AGMO: variants seen among roughly 807,000 people sequenced by gnomAD.
AGMO encodes the protein alkylglycerol monooxygenase, also known as glyceryl-ether monooxygenase.
A neutral mutation model predicts 60.2 loss-of-function variants in AGMO; 75 were observed. The ratio of observed to expected loss-of-function variants is 1.25; its 90% CI spans 1.03 to 1.51. AGMO has a LOEUF of 1.51. Ranked by LOEUF, AGMO falls within the 40% of genes most tolerant of loss-of-function variation. The probability of loss-of-function intolerance (pLI) is 0.00; values close to 1 mark genes in which losing one functional copy is unlikely to be tolerated. For missense variants in AGMO, 763 were observed against 525.5 expected, an observed-to-expected ratio of 1.45 and a Z score of -4.42; for synonymous variants, 261 against 177.1, an observed-to-expected ratio of 1.47 and a Z score of -3.76.
At chr7:15,208,175 G>A (rs558247277) in intron 12 of AGMO, among the ~76,000 whole-genome samples, 1 of 152,110 alleles carries the variant, frequency 6.6e-6, no homozygotes, top group Non-Finnish European at 1.5e-5. Flanking sequence ...AGTTCTTAAT[G>A]CTACAGAAGA....
intron 6 of AGMO, among the ~76,000 whole-genome samples, chr7:15,392,826 AC>A (rs373929114): frequency 0.13 from 16,515 of 131,706 alleles, 1,014 homozygotes; most frequent in South Asian, 0.2. Context: ...AAACAAACAA[AC>A]AAACAACTTT....
chr7:15,242,944 G>A (rs1173062441), intron 12 of AGMO, among the ~76,000 whole-genome samples: 1 of 151,866 alleles, frequency 6.6e-6, no homozygotes, highest in Non-Finnish European at 1.5e-5. Context: ...CTAAGATGTG[G>A]GACAGATTTT....
At chr7:15,359,460 T>C (rs929861813) in intron 12 of AGMO, among the ~76,000 whole-genome samples, 3 of 152,184 alleles carry the variant, frequency 2.0e-5, no homozygotes, top group Admixed American at 1.3e-4. Context: ...TTACATTTTT[T>C]AAAATGAAAT....
rs1784340359 is a variant in AGMO, at chr7:15,531,371, CTATATATATTCTATATATATTCTA to C, written c.409+13377_409+13400del. Among the ~76,000 whole-genome samples, 40 of 78,474 alleles carry C rather than the reference CTATATATATTCTATATATATTCTA, an allele frequency of 5.1e-4. 1 individual carries two copies. The highest frequency in any genetic ancestry group is 7.3e-4 in the South Asian group (2 of 2,742). The allele number at this position is 78,474 out of a possible 152,430, so 51.5% of individuals were successfully genotyped here. A position where few individuals can be genotyped will look rare whatever the true frequency, so the allele number is the denominator to read the frequency against. On this transcript the variant is annotated intron_variant, in intron 3 of 12. Coordinates refer to ENST00000342526, the MANE Select transcript of AGMO (RefSeq NM_001004320.2). The stretch of plus-strand genomic sequence containing the variant: ...TCTATATATATTCTATATATATATT[CTATATATATTCTATATATATTCTA>C]TATATATATTCTATATATATTCTAT...
intron 12 of AGMO, among the ~76,000 whole-genome samples, chr7:15,226,768 G>A (rs1398038258): frequency 3.3e-5 from 5 of 152,086 alleles, no homozygotes; most frequent in African/African-American, 1.2e-4. Flanking sequence ...CTATTTCATG[G>A]GGACAACACT....
intron 12 of AGMO, among the ~76,000 whole-genome samples, chr7:15,315,328 C>CTTT (rs1178276622): frequency 0.024 from 1,138 of 48,148 alleles, 377 homozygotes; most frequent in African/African-American, 0.072. Flanking sequence ...TGGATATTTG[C>CTTT]TTTTTTTTTT....
chr7:15,324,596 T>A (rs1278437377), intron 12 of AGMO, among the ~76,000 whole-genome samples: 1 of 152,242 alleles, frequency 6.6e-6, no homozygotes. Context: ...AGGTCTGTCC[T>A]CTAATGTAGT....
intron 10 of AGMO, among the ~76,000 whole-genome samples, chr7:15,381,598 T>C (rs369609095): frequency 6.6e-6 from 1 of 152,136 alleles, no homozygotes; most frequent in South Asian, 2.1e-4. Context: ...AGTTCAATCG[T>C]TGTGGAAGAC....
intron 12 of AGMO, among the ~76,000 whole-genome samples, chr7:15,273,986 T>C (rs1037897267): frequency 1.3e-5 from 2 of 152,290 alleles, no homozygotes; most frequent in East Asian, 3.9e-4. Flanking sequence ...TCCTGAGACT[T>C]TGCTGAAGTT....
At chr7:15,547,759 GGGCTTGATTAGGTAAACAA>G (rs1203933038) in intron 2 of AGMO, among the ~76,000 whole-genome samples, 3 of 150,496 alleles carry the variant, frequency 2.0e-5, no homozygotes, top group Non-Finnish European at 2.9e-5. Flanking sequence ...GCCATTGCCC[GGGCTTGATTAGGTAAACAA>G]AGCAGCCGGG....
chr7:15,348,312 C>T (rs1013108799), intron 12 of AGMO, among the ~76,000 whole-genome samples: 1 of 151,970 alleles, frequency 6.6e-6, no homozygotes, highest in Non-Finnish European at 1.5e-5. Context: ...TAAAGTCAAA[C>T]ACATACTACT....
At position 15,394,123 on chromosome 7, in the gene AGMO, C is replaced by A. The variant is rs750140675; in HGVS notation, c.666G>T (p.Arg222Ser). Residue 222 changes from arginine to serine, a missense_variant, in exon 6 of 13, where the codon AGG (arginine) becomes AGT (serine). Physicochemically the swap from Arg to Ser is moderately radical, Grantham distance 110 (BLOSUM62 -1). Coordinates refer to ENST00000342526, the MANE Select transcript of AGMO (RefSeq NM_001004320.2). ...ELILNTPSHH[R>S]VHHGRNRYCI... ...ACAAAACTTCCTTACCATGATGAAC[C>A]CTATGATGGCTAGGAGTATTAAGAA... 1 of 1,610,410 alleles carries A rather than the reference C, an allele frequency of 6.2e-7. No homozygotes were observed. Among genetic ancestry groups the A allele is most frequent in the East Asian group, 2.2e-5 (1 of 44,788 alleles).
At chr7:15,356,738 T>TG (rs1429042759) in intron 12 of AGMO, among the ~76,000 whole-genome samples, 1 of 151,854 alleles carries the variant, frequency 6.6e-6, no homozygotes, top group East Asian at 1.9e-4. Flanking sequence ...AAATGCTATA[T>TG]GAAAAAATGT....
intron 5 of AGMO, among the ~76,000 whole-genome samples, chr7:15,398,892 G>A (rs1030128016): frequency 2.0e-5 from 3 of 152,062 alleles, no homozygotes; most frequent in Admixed American, 6.6e-5. Context: ...AAGCCTTTCC[G>A]ATTTCAGCTC....
intron 3 of AGMO, among the ~76,000 whole-genome samples, chr7:15,436,232 A>G (rs1477475632): frequency 1.3e-5 from 2 of 152,218 alleles, no homozygotes; most frequent in Non-Finnish European, 2.9e-5. Context: ...CTGCTGTAAC[A>G]GAATACCTGA....
chr7:15,559,406 G>T (rs1475582114), intron 2 of AGMO, among the ~76,000 whole-genome samples: 2 of 151,984 alleles, frequency 1.3e-5, no homozygotes, highest in East Asian at 3.9e-4. Flanking sequence ...CCTAACATAA[G>T]GTTGGAAAAC....
Position 15,336,221 on chromosome 7 carries a change from G to C in AGMO, c.1263+29293C>G, listed in dbSNP as rs527763454. Among the ~76,000 whole-genome samples, 8 of 151,796 alleles carry C rather than the reference G, an allele frequency of 5.3e-5. No homozygotes were observed. The East Asian group carries it at 1.5e-3, about 29-fold the overall frequency. Reference sequence around the variant, plus strand: ...TCAATTTATAGCACAAATTATGATGGCAAAAGAAATTCATAACATTCACCA... The same window carrying C: ...TCAATTTATAGCACAAATTATGATGCCAAAAGAAATTCATAACATTCACCA... On this transcript the variant is annotated intron_variant, in intron 12 of 12. Coordinates refer to ENST00000342526, the MANE Select transcript of AGMO (RefSeq NM_001004320.2).
At chr7:15,226,852 G>C (rs1428198363) in intron 12 of AGMO, among the ~76,000 whole-genome samples, 2 of 151,986 alleles carry the variant, frequency 1.3e-5, no homozygotes, top group African/African-American at 4.8e-5. Flanking sequence ...ATGAAAAATA[G>C]TCTGGCAGAA....
chr7:15,515,533 C>A (rs1783784951), intron 3 of AGMO, among the ~76,000 whole-genome samples: 1 of 152,158 alleles, frequency 6.6e-6, no homozygotes, highest in Non-Finnish European at 1.5e-5. Flanking sequence ...TTTTAAAAAG[C>A]ATGCAAGGCA....
Sources: allele counts gnomAD v4.1 joint callset (sites outside exome capture counted in the v4.1 genomes callset), GRCh38; gene constraint gnomAD v4.1.1; transcripts MANE v1.5; gene names NCBI Gene and HGNC (gene_info 2026-07-23, HGNC 2026-07-21).